Variants in RAP1A observed in about 807,000 individuals in gnomAD.
RAP1A encodes the protein RAP1A, member of RAS oncogene family.
Under a neutral mutation model 26.4 loss-of-function variants are expected in RAP1A, and 6 were observed. That is an observed-to-expected ratio of 0.23 (90% CI 0.12 to 0.45). RAP1A has a LOEUF of 0.45. RAP1A is among the 20% of genes least tolerant of loss of function. The pLI is 0.99. For synonymous variants in RAP1A, 73 were observed against 79.4 expected, an observed-to-expected ratio of 0.92 and a Z score of 0.43; for missense variants, 121 against 217.2, an observed-to-expected ratio of 0.56 and a Z score of 2.78.
chr1:111,687,877 T>G (rs1185396609), intron 1 of RAP1A, among the ~76,000 whole-genome samples: 2 of 151,850 alleles, frequency 1.3e-5, no homozygotes, highest in East Asian at 3.9e-4. Context: ...ATTAGCCAAG[T>G]GTGGTGGTGC....
At chr1:111,626,588 C>T (rs1227415087) in intron 1 of RAP1A, among the ~76,000 whole-genome samples, 5 of 152,126 alleles carry the variant, frequency 3.3e-5, no homozygotes, top group East Asian at 1.9e-4. Context: ...AAATAGCATG[C>T]GTAAATGTGC....
chr1:111,610,571 CA>C (rs1557864914), intron 1 of RAP1A, among the ~76,000 whole-genome samples: 8 of 143,948 alleles, frequency 5.6e-5, no homozygotes, highest in Admixed American at 7.0e-5. Flanking sequence ...CACACACACA[CA>C]CACACACACC....
Position 111,716,088 on chromosome 1 carries a change from A to T in RAP1A, c.*3687A>T, listed in dbSNP as rs1320389443. 3 of 152,260 alleles carry T rather than the reference A, an allele frequency of 2.0e-5. No individual in the cohort carries two copies. Among genetic ancestry groups the T allele is most frequent in the Non-Finnish European group, 4.4e-5 (3 of 68,044 alleles). The allele number at this position is 152,260 out of a possible 1,614,324, so 9.4% of individuals were successfully genotyped here. Reference sequence around the variant, plus strand: ...TATTTGGAGGAGGAAAATAATTTGTAAAATAACCTTTTTAAGAATTTGGAT... The same window carrying T: ...TATTTGGAGGAGGAAAATAATTTGTTAAATAACCTTTTTAAGAATTTGGAT... On this transcript the variant is annotated 3_prime_UTR_variant, in exon 8 of 8. Transcript: ENST00000369709.
At chr1:111,589,054 T>G (rs187002835) in intron 1 of RAP1A, among the ~76,000 whole-genome samples, 1 of 152,352 alleles carries the variant, frequency 6.6e-6, no homozygotes, top group East Asian at 1.9e-4. Flanking sequence ...ATTTATATAT[T>G]TCTCTAAATT....
intron 1 of RAP1A, among the ~76,000 whole-genome samples, chr1:111,690,571 T>C (rs1661637666): frequency 6.6e-6 from 1 of 152,282 alleles, no homozygotes; most frequent in Non-Finnish European, 1.5e-5. Context: ...AGTCCTACAC[T>C]GCTTATTATC....
intron 1 of RAP1A, among the ~76,000 whole-genome samples, chr1:111,636,632 C>T (rs923558581): frequency 3.3e-5 from 5 of 151,826 alleles, no homozygotes; most frequent in Middle Eastern, 3.4e-3. Context: ...TACAGGCATG[C>T]GCCACCACTC....
At chr1:111,584,975 T>C (rs1377280506) in intron 1 of RAP1A, among the ~76,000 whole-genome samples, 4 of 152,212 alleles carry the variant, frequency 2.6e-5, no homozygotes, top group Non-Finnish European at 5.9e-5. Context: ...TCACACCCTT[T>C]ACTGTATTTT....
intron 1 of RAP1A, among the ~76,000 whole-genome samples, chr1:111,636,616 T>C (rs1395959768): frequency 6.6e-6 from 1 of 151,962 alleles, no homozygotes; most frequent in Admixed American, 6.5e-5. Flanking sequence ...TCTGAGTAGC[T>C]GGGATTACAG....
At chr1:111,624,153 AAG>A (rs1399598525) in intron 1 of RAP1A, among the ~76,000 whole-genome samples, 2 of 152,248 alleles carry the variant, frequency 1.3e-5, no homozygotes, top group Non-Finnish European at 2.9e-5. Context: ...CATTTGTAAG[AAG>A]AGTTACGGCC....
chr1:111,637,470 G>T (rs1327126885), intron 1 of RAP1A, among the ~76,000 whole-genome samples: 2 of 152,014 alleles, frequency 1.3e-5, no homozygotes, highest in African/African-American at 2.4e-5. Flanking sequence ...AAAAGAATAA[G>T]AATTATTTTT....
intron 4 of RAP1A, among the ~76,000 whole-genome samples, chr1:111,699,390 C>A (rs1459418139): frequency 6.6e-6 from 1 of 151,630 alleles, no homozygotes; most frequent in Non-Finnish European, 1.5e-5. Context: ...AAGTATAATA[C>A]CTCTCTAATC....
rs1050902410 is a variant in RAP1A at position 111,568,179 on chromosome 1, AT to A, written c.-28+25672del. On this transcript the variant is annotated intron_variant, in intron 1 of 7. Coordinates refer to the RAP1A transcript ENST00000356415. ...AGTCACTGTGTTAGTCTGTTCTTGC[AT>A]TACTATAAAGGAATACCTGAGGCTG... 1.2e-4 allele frequency among the ~76,000 whole-genome samples: 18 copies of A among 152,346 alleles called. No individual in the cohort carries two copies. The South Asian group carries it at 1.4e-3, about 12-fold the overall frequency.
At chr1:111,571,736 A>T (rs1314259385) in intron 1 of RAP1A, among the ~76,000 whole-genome samples, 1 of 152,260 alleles carries the variant, frequency 6.6e-6, no homozygotes, top group East Asian at 1.9e-4. Context: ...AAAATCAGAA[A>T]GATTATGGGA....
chr1:111,649,187 C>A, intron 1 of RAP1A: 2 of 525,188 alleles, frequency 3.8e-6, no homozygotes, highest in South Asian at 3.0e-5. Flanking sequence ...CCTCGATGGT[C>A]TTGAAGTAAT....
chr1:111,554,953 C>A (rs1657420032), intron 1 of RAP1A, among the ~76,000 whole-genome samples: 1 of 151,762 alleles, frequency 6.6e-6, no homozygotes, highest in Non-Finnish European at 1.5e-5. Context: ...GAAAAAGTGA[C>A]CTACCGAGAC....
At chr1:111,694,218 G>A (rs990229059) in intron 2 of RAP1A, among the ~76,000 whole-genome samples, 16 of 152,098 alleles carry the variant, frequency 1.1e-4, no homozygotes, top group Admixed American at 3.9e-4. Context: ...ATTATGTGTC[G>A]TACTTAGAAG....
At chr1:111,703,274 AT>A in intron 4 of RAP1A, 61 bp from the exon 5 acceptor site, 2 of 1,134,488 alleles carry the variant, frequency 1.8e-6, no homozygotes, top group East Asian at 5.7e-5. Flanking sequence ...GCTGTTTTAA[AT>A]TGTTGCAGTA....
chr1:111,704,685 A>G (rs560065588), intron 6 of RAP1A, among the ~76,000 whole-genome samples, 199 bp downstream of exon 6: 3 of 152,328 alleles, frequency 2.0e-5, no homozygotes, highest in East Asian at 3.9e-4. Flanking sequence ...GGATACTTAA[A>G]TTTACCTTAT....
chr1:111,583,409 T>C (rs991089243), intron 1 of RAP1A, among the ~76,000 whole-genome samples: 44 of 151,178 alleles, frequency 2.9e-4, no homozygotes, highest in African/African-American at 1.0e-3. Flanking sequence ...AGTTCAAGGC[T>C]GCAGTGAGCT....
Sources: gnomAD v4.1 joint callset for allele counts (sites outside exome capture counted in the v4.1 genomes callset) on GRCh38, gnomAD v4.1.1 for gene constraint, MANE v1.5 for transcripts, NCBI Gene and HGNC (gene_info 2026-07-23, HGNC 2026-07-21) for gene names.